The following TPRG1 variants were observed in gnomAD, a reference collection of about 807,000 sequenced individuals.
The protein encoded by TPRG1 is tumor protein p63 regulated 1, also known as tumor protein p63-regulated gene 1 protein.
TPRG1 carries 29 observed loss-of-function variants against 29.3 expected under a neutral mutation model. The observed-to-expected ratio is 0.99, with a 90% CI of 0.74 to 1.35. The LOEUF (loss-of-function observed/expected upper bound fraction) is 1.35. Among genes scored for constraint, TPRG1 ranks in the 40% most tolerant of loss-of-function variants. TPRG1 has a pLI of 0.00. For synonymous variants in TPRG1, 130 were observed against 116.8 expected (o/e 1.11, Z -0.73); for missense variants, 327 against 335.0 (o/e 0.98, Z 0.19).
At chr3:189,028,134 T>C (rs1442332378) in intron 4 of TPRG1, among the ~76,000 whole-genome samples, 1 of 152,204 alleles carries the variant, frequency 6.6e-6, no homozygotes, top group Non-Finnish European at 1.5e-5. Flanking sequence ...AACAGGAAGA[T>C]ATAGCTAGAA....
intron 3 of TPRG1, among the ~76,000 whole-genome samples, chr3:189,143,670 G>A (rs140617821): frequency 9.3e-4 from 142 of 152,206 alleles, no homozygotes; most frequent in African/African-American, 3.2e-3. Flanking sequence ...GTAATCCCTT[G>A]GTCTTTTACT....
rs149796133 is a variant in TPRG1 at position 189,115,054 on chromosome 3, G to T, written c.-743-12003G>T. On this transcript the variant is annotated intron_variant, in intron 1 of 6. Coordinates refer to the TPRG1 transcript ENST00000412373. ...ATTTCACCCCCTGTTGAAGAGACTT[G>T]ATCCCAGGACACACAAGTTCTCTGA... is the stretch of plus-strand genomic sequence containing the variant. Among the ~76,000 whole-genome samples, 749 of 152,296 alleles carry T rather than the reference G, an allele frequency of 4.9e-3. 5 individuals carry two copies. Among genetic ancestry groups the T allele is most frequent in the Non-Finnish European group, 7.1e-3 (484 of 68,018 alleles).
At position 189,040,253 on chromosome 3, in the gene TPRG1, T is replaced by C. The variant is rs138901874; in HGVS notation, c.-463+16307T>C. The stretch of plus-strand genomic sequence containing the variant: ...TGAATTAATCTTAATGAAAATTAAA[T>C]AGACTTTTATGACTCCTTAGACATT... On this transcript the variant is annotated intron_variant, in intron 4 of 10. Transcript: ENST00000433971. Among the ~76,000 whole-genome samples the C allele has an allele frequency of 8.2e-3, 1,251 of 152,298 alleles. 19 individuals carry two copies. Among genetic ancestry groups the C allele is most frequent in the African/African-American group, 0.029 (1,186 of 41,566 alleles).
chr3:189,241,919 G>A (rs1345759990), intron 4 of TPRG1, among the ~76,000 whole-genome samples: 1 of 152,048 alleles, frequency 6.6e-6, no homozygotes, highest in African/African-American at 2.4e-5. Context: ...CCTGTTTGGG[G>A]TATGTCTTTA....
chr3:189,268,583 C>G (rs545528444), intron 4 of TPRG1, among the ~76,000 whole-genome samples: 1 of 152,330 alleles, frequency 6.6e-6, no homozygotes, highest in East Asian at 1.9e-4. Context: ...AAAATTTATC[C>G]TGTACTCACT....
At chr3:189,198,908 T>C (rs1221727721) in intron 1 of TPRG1, among the ~76,000 whole-genome samples, 4 of 152,258 alleles carry the variant, frequency 2.6e-5, no homozygotes, top group South Asian at 2.1e-4. Flanking sequence ...AAAAATTCTC[T>C]AGTCAATATC....
intron 4 of TPRG1, among the ~76,000 whole-genome samples, chr3:189,302,523 A>G (rs755547985): frequency 6.6e-6 from 1 of 152,196 alleles, no homozygotes; most frequent in Non-Finnish European, 1.5e-5. Context: ...GTGTCTGCCG[A>G]AGTATGACTC....
At chr3:189,309,614 T>G (rs549558202) in intron 4 of TPRG1, among the ~76,000 whole-genome samples, 2 of 152,088 alleles carry the variant, frequency 1.3e-5, no homozygotes, top group Non-Finnish European at 2.9e-5. Context: ...GAAACACGGT[T>G]TTGTTATTCA....
intron 4 of TPRG1, among the ~76,000 whole-genome samples, chr3:189,283,812 G>A (rs1197223037): frequency 2.0e-5 from 3 of 152,220 alleles, no homozygotes; most frequent in African/African-American, 7.2e-5. Context: ...AGGAGACTAA[G>A]TTAGTTACTT....
intron 4 of TPRG1, among the ~76,000 whole-genome samples, chr3:189,029,784 C>G (rs760970807): frequency 6.6e-6 from 1 of 152,202 alleles, no homozygotes; most frequent in South Asian, 2.1e-4. Flanking sequence ...GAATTCTCAC[C>G]GTAGTCATTC....
intron 3 of TPRG1, among the ~76,000 whole-genome samples, chr3:189,010,083 T>C (rs188556679): frequency 1.4e-3 from 208 of 152,310 alleles, no homozygotes; most frequent in African/African-American, 4.8e-3. Context: ...CTAAGGATAA[T>C]GGCCTTCAGC....
At chr3:189,290,252 G>A (rs975341939) in intron 4 of TPRG1, among the ~76,000 whole-genome samples, 15 of 152,110 alleles carry the variant, frequency 9.9e-5, no homozygotes, top group African/African-American at 2.9e-4. Context: ...AATCAGACAC[G>A]TTGATTTTTC....
At chr3:189,089,968 G>T (rs1718233829) in intron 4 of TPRG1, among the ~76,000 whole-genome samples, 1 of 151,702 alleles carries the variant, frequency 6.6e-6, no homozygotes, top group Non-Finnish European at 1.5e-5. Flanking sequence ...AGCTATTGGG[G>T]TAATTGATTA....
chr3:189,208,708 C>T lies in TPRG1; in HGVS notation c.210+1114C>T, dbSNP rs114530110. On this transcript the variant is annotated intron_variant, in intron 2 of 5. Transcript: ENST00000345063. Reference sequence around the variant, plus strand: ...TATGTAGAGCATATGGTTTGTTTTCCGAAGTATGTGAACTTTATTGAATAT... The same window carrying T: ...TATGTAGAGCATATGGTTTGTTTTCTGAAGTATGTGAACTTTATTGAATAT... Among the ~76,000 whole-genome samples, 165 of 152,128 alleles carry T rather than the reference C, an allele frequency of 1.1e-3. 1 individual carries two copies. Among genetic ancestry groups the T allele is most frequent in the African/African-American group, 3.6e-3 (148 of 41,506 alleles).
intron 4 of TPRG1, among the ~76,000 whole-genome samples, chr3:189,304,499 G>A (rs1383825173): frequency 6.6e-6 from 1 of 152,124 alleles, no homozygotes; most frequent in African/African-American, 2.4e-5. Flanking sequence ...TAAAGGCCCT[G>A]GAAACTTCTG....
chr3:189,304,250 C>T (rs1384288186), intron 4 of TPRG1, among the ~76,000 whole-genome samples: 1 of 152,010 alleles, frequency 6.6e-6, no homozygotes, highest in Non-Finnish European at 1.5e-5. Flanking sequence ...AGATGGATCC[C>T]CGGAGCCCGG....
intron 3 of TPRG1, among the ~76,000 whole-genome samples, chr3:189,022,749 G>T (rs1578203386): frequency 6.6e-6 from 1 of 152,230 alleles, no homozygotes; most frequent in Admixed American, 6.5e-5. Flanking sequence ...GCTGTGGCAG[G>T]CTCCACCCAG....
In TPRG1 at chr3:189,196,578, TTACTCACTATCACGAGAAC is replaced by T. The variant is rs576233282; in HGVS notation, c.-9-10797_-9-10779del. The stretch of plus-strand genomic sequence containing the variant: ...ATAAATCCATCAGATCTCGTGATAC[TTACTCACTATCACGAGAAC>T]AGCATGGAAAAGACTGGCCCCCATG... On this transcript the variant is annotated intron_variant, in intron 1 of 5. Coordinates refer to ENST00000345063, the MANE Select transcript of TPRG1 (RefSeq NM_198485.4). 4.6e-4 allele frequency among the ~76,000 whole-genome samples: 70 copies of T among 152,126 alleles called. No homozygotes were observed. The East Asian group carries it at 0.013, about 28-fold the overall frequency.
rs181559843 is a variant in TPRG1, at chr3:189,195,944, A to G, written c.-9-11432A>G. On this transcript the variant is annotated intron_variant, in intron 1 of 5. Transcript: ENST00000345063. ...TCCTTGGTTATTTTCATTAAAATGT[A>G]GTTGTTTATTTATTGTTCTGACTGT... Among the ~76,000 whole-genome samples, 7 of 152,212 alleles carry G rather than the reference A, an allele frequency of 4.6e-5. No individual in the cohort carries two copies. The East Asian group carries it at 1.2e-3, about 25-fold the overall frequency.
Sources: gnomAD v4.1 joint callset for allele counts (sites outside exome capture counted in the v4.1 genomes callset) on GRCh38, gnomAD v4.1.1 for gene constraint, MANE v1.5 for transcripts, NCBI Gene and HGNC (gene_info 2026-07-23, HGNC 2026-07-21) for gene names.